ADGRB1: variants seen among roughly 807,000 people sequenced by gnomAD.
ADGRB1 encodes adhesion G protein-coupled receptor B1.
In ADGRB1, 36 loss-of-function variants were observed where a neutral mutation model predicts 175.7. The ratio of observed to expected loss-of-function variants is 0.20; its 90% CI spans 0.16 to 0.27. The LOEUF (loss-of-function observed/expected upper bound fraction) is 0.27. ADGRB1 is among the 10% of genes least tolerant of loss of function. The pLI, the probability that ADGRB1 is intolerant of heterozygous loss-of-function variation, is 1.00. For synonymous variants in ADGRB1, 1,054 were observed against 979.4 expected (o/e 1.08, Z -1.42); for missense variants, 1,731 against 2,255.3 (o/e 0.77, Z 4.71).
At chr8:142,479,579 G>C (rs1841216382) in intron 8 of ADGRB1, 92 bp downstream of exon 8, 1 of 1,525,876 alleles carries the variant, frequency 6.6e-7, no homozygotes, top group Non-Finnish European at 8.8e-7. Flanking sequence ...GGTGTGTTGG[G>C]GGCTCCCGTC....
chr8:142,455,698 CAT>C lies in ADGRB1; in HGVS notation c.-220+5595_-220+5596del, dbSNP rs940687544. On this transcript the variant is annotated intron_variant, in intron 1 of 30. Transcript: ENST00000517894. This position sits in a 1 kb window ranked among gnomAD's most constrained non-coding sequence, Gnocchi z 4.9. ...TGGGGGTGCTGACTCTTGACTGAGACATGTGGTTGAGGGGTCTTTGAAGTAAG... is the reference window on the plus strand; with the variant it reads ...TGGGGGTGCTGACTCTTGACTGAGACGTGGTTGAGGGGTCTTTGAAGTAAG... 2.2e-4 allele frequency among the ~76,000 whole-genome samples: 34 copies of C among 152,306 alleles called. 1 individual carries two copies. Among genetic ancestry groups the C allele is most frequent in the Middle Eastern group, 3.4e-3 (1 of 294 alleles).
chr8:142,536,457 C>G (rs1844929698), intron 25 of ADGRB1, among the ~76,000 whole-genome samples: 1 of 152,300 alleles, frequency 6.6e-6, no homozygotes, highest in South Asian at 2.1e-4. Flanking sequence ...ACTGTCCCCC[C>G]TGAAGAGTGG....
At position 142,511,531 on chromosome 8, in the gene ADGRB1, G is replaced by C. The variant is rs1233204323; in HGVS notation, c.2817+458G>C. On this transcript the variant is annotated intron_variant, in intron 18 of 30. Transcript: ENST00000517894. This position sits in a 1 kb window ranked among gnomAD's most constrained non-coding sequence, Gnocchi z 4.5. ...AGCCCTTCGACCCACCCCAAGTAGA[G>C]CCTGGTCCGTGGAGGAGGAGGTGGC... is the stretch of plus-strand genomic sequence containing the variant. Among the ~76,000 whole-genome samples, 4 of 152,214 alleles carry C rather than the reference G, an allele frequency of 2.6e-5. No homozygotes were observed. The highest frequency in any genetic ancestry group is 9.6e-5 in the African/African-American group (4 of 41,468).
intron 1 of ADGRB1, among the ~76,000 whole-genome samples, chr8:142,458,024 C>A (rs952169952): frequency 6.0e-5 from 9 of 150,018 alleles, no homozygotes; most frequent in African/African-American, 2.2e-4. Flanking sequence ...GCAGTCTTTT[C>A]TCAGGACACA....
chr8:142,461,452 G>A (rs1030775957), intron 1 of ADGRB1, among the ~76,000 whole-genome samples: 12 of 152,346 alleles, frequency 7.9e-5, no homozygotes, highest in African/African-American at 2.6e-4. Context: ...CAGCCGCGTC[G>A]TGGCCAGCTG....
chr8:142,526,525 C>CCCAA lies in ADGRB1; in HGVS notation c.3313-17_3313-16insCCAA. 4 of 1,560,220 alleles carry CCCAA rather than the reference C, an allele frequency of 2.6e-6. No homozygotes were observed. Among genetic ancestry groups the CCCAA allele is most frequent in the Non-Finnish European group, 3.5e-6 (4 of 1,147,476 alleles). On this transcript the variant is annotated splice_polypyrimidine_tract_variant and intron_variant, in intron 23 of 30. Coordinates refer to ENST00000517894, the MANE Select transcript of ADGRB1 (RefSeq NM_001702.3). ...GCGGCCCCCACCCCCACACCCCCAC[C>CCCAA]ACTCTCTGCCCGGCAGGTGAACATG...
intron 27 of ADGRB1, 118 bp downstream of exon 27, chr8:142,539,531 C>T (rs1845140426): frequency 7.8e-7 from 1 of 1,274,816 alleles, no homozygotes; most frequent in Non-Finnish European, 1.1e-6. Context: ...GCTGCCCCCA[C>T]CCACACCCAG....
At chr8:142,484,167 G>A (rs1841537377) in intron 12 of ADGRB1, 122 bp downstream of exon 12, 1 of 787,796 alleles carries the variant, frequency 1.3e-6, no homozygotes, top group Non-Finnish European at 2.1e-6. Context: ...TGGATCTCAG[G>A]ATGGTCTCTT....
intron 2 of ADGRB1, among the ~76,000 whole-genome samples, chr8:142,471,770 G>T (rs528336524): frequency 1.3e-5 from 2 of 152,358 alleles, no homozygotes; most frequent in South Asian, 4.1e-4. Flanking sequence ...TCTGTGGCGG[G>T]AGGAAGGGGG....
chr8:142,481,539 C>A lies in ADGRB1; in HGVS notation c.1958C>A (p.Ala653Asp). Residue 653 changes from alanine (A) to aspartate (D), a missense_variant, in exon 11 of 31, where the codon GCT becomes GAT. This residue lies in a region of ADGRB1 where 388 missense variants were observed against 630.9 expected (regional missense o/e 0.61). Coordinates refer to ENST00000517894, the MANE Select transcript of ADGRB1 (RefSeq NM_001702.3). ...CAGACCCGGGAGCACCTGGCCAAGGCTCAGCGAGGGCTGCCTGGGGAGGGG... is the reference window on the plus strand; with the variant it reads ...CAGACCCGGGAGCACCTGGCCAAGGATCAGCGAGGGCTGCCTGGGGAGGGG... ...QMMTREHLAK[A>D]QRGLPGEGVS... 1 of 1,589,414 alleles carries A rather than the reference C, an allele frequency of 6.3e-7. No individual in the cohort carries two copies. The highest frequency in any genetic ancestry group is 8.6e-7 in the Non-Finnish European group (1 of 1,167,436).
chr8:142,481,148 C>A, intron 9 of ADGRB1, 106 bp from the exon 10 acceptor site: 1 of 1,039,918 alleles, frequency 9.6e-7, no homozygotes, highest in South Asian at 1.3e-5. Flanking sequence ...GTCCCTGTTT[C>A]TGGGGGCCAC....
At chr8:142,468,917 C>A (rs1414842015) in intron 2 of ADGRB1, among the ~76,000 whole-genome samples, 1 of 151,702 alleles carries the variant, frequency 6.6e-6, no homozygotes, top group African/African-American at 2.4e-5. Context: ...GCAGGCATTG[C>A]CAGTTCCCTG....
chr8:142,462,102 C>T (rs1306044876), intron 1 of ADGRB1, among the ~76,000 whole-genome samples: 1 of 152,162 alleles, frequency 6.6e-6, no homozygotes, highest in Non-Finnish European at 1.5e-5. Flanking sequence ...GGAGGGCTTC[C>T]AGGAGGCAGG....
chr8:142,498,259 C>G (rs546539865), intron 17 of ADGRB1, among the ~76,000 whole-genome samples: 1 of 152,194 alleles, frequency 6.6e-6, no homozygotes, highest in African/African-American at 2.4e-5. Context: ...CAGAAGCCCC[C>G]GAGGGCAGGG....
At chr8:142,528,617 C>T (rs999495591) in intron 24 of ADGRB1, among the ~76,000 whole-genome samples, 8 of 151,186 alleles carry the variant, frequency 5.3e-5, no homozygotes, top group Non-Finnish European at 1.2e-4. Flanking sequence ...CCGCCGATGC[C>T]ACCTCCGACG....
At chr8:142,515,509 A>G (rs564014912) in intron 18 of ADGRB1, among the ~76,000 whole-genome samples, 1 of 151,782 alleles carries the variant, frequency 6.6e-6, no homozygotes, top group East Asian at 1.9e-4. Flanking sequence ...GCAGATGGCC[A>G]CAGAGGCCTG....
chr8:142,473,074 A>T (rs1458497728), intron 2 of ADGRB1, among the ~76,000 whole-genome samples: 2 of 151,686 alleles, frequency 1.3e-5, no homozygotes, highest in African/African-American at 4.8e-5. Flanking sequence ...CCCTGAAATG[A>T]GTGGGTGTTT....
At chr8:142,533,203 G>A (rs950559960) in intron 24 of ADGRB1, 92 bp from the exon 25 acceptor site, 35 of 1,334,382 alleles carry the variant, frequency 2.6e-5, no homozygotes, top group Non-Finnish European at 3.1e-5. Flanking sequence ...TTAGGGCTGG[G>A]TCCCCACCGA....
rs1052712082 is a variant in ADGRB1, at chr8:142,481,255, A to G, written c.1830A>G (p.Gly610=). Reference sequence around the variant, plus strand: ...CTGAGAAGGGGATGGTCTCCCCAGGACTCATCCTGCGACGGTGTGAGCTGG... The same window carrying G: ...CTGAGAAGGGGATGGTCTCCCCAGGGCTCATCCTGCGACGGTGTGAGCTGG... The part of the protein sequence containing the change: ...AAVRCPRNAT[G]LILRRCELDE... The change falls in exon 10 of 31, where the codon GGA becomes GGG. Residue 610 remains glycine, a splice_region_variant and synonymous_variant. Transcript: ENST00000517894. 2 of 1,613,214 alleles carry G rather than the reference A, an allele frequency of 1.2e-6. No individual in the cohort carries two copies. The highest frequency in any genetic ancestry group is 1.7e-4 in the Middle Eastern group (1 of 6,054).
Sources: allele counts gnomAD v4.1 joint callset (sites outside exome capture counted in the v4.1 genomes callset), GRCh38; gene constraint gnomAD v4.1.1; regional missense constraint gnomAD v4.1.1; non-coding constraint Gnocchi (gnomAD v3.1); transcripts MANE v1.5; gene names NCBI Gene and HGNC (gene_info 2026-07-23, HGNC 2026-07-21).